The following RARB variants were observed in gnomAD, a reference collection of about 807,000 sequenced individuals.
The protein encoded by RARB is retinoic acid receptor beta.
RARB carries 17 observed loss-of-function variants against 51.9 expected under a neutral mutation model. The ratio of observed to expected loss-of-function variants is 0.33; its 90% CI spans 0.22 to 0.49. RARB has a LOEUF of 0.49. RARB is among the 20% of genes least tolerant of loss of function. The pLI is 0.99. For missense variants in RARB, 369 were observed against 550.8 expected, an observed-to-expected ratio of 0.67 and a Z score of 3.30; for synonymous variants, 215 against 195.4, an observed-to-expected ratio of 1.10 and a Z score of -0.84.
chr3:25,461,640 A>G (rs1695189835), intron 2 of RARB, among the ~76,000 whole-genome samples: 1 of 152,192 alleles, frequency 6.6e-6, no homozygotes, highest in Admixed American at 6.5e-5. Flanking sequence ...CACGCCTGTA[A>G]TCCCAGCACT....
intron 5 of RARB, among the ~76,000 whole-genome samples, chr3:25,203,732 T>C (rs1201933054): frequency 2.6e-5 from 4 of 152,256 alleles, no homozygotes; most frequent in Non-Finnish European, 5.9e-5. Flanking sequence ...TTGAAAATTC[T>C]TTTCTTTAAG....
chr3:25,227,199 G>T (rs943922553), intron 5 of RARB, among the ~76,000 whole-genome samples: 1 of 152,156 alleles, frequency 6.6e-6, no homozygotes, highest in African/African-American at 2.4e-5. Context: ...ATTGAAAAAT[G>T]AAAAGCTTCA....
chr3:25,507,908 C>A (rs1697691575), intron 3 of RARB, among the ~76,000 whole-genome samples: 1 of 152,112 alleles, frequency 6.6e-6, no homozygotes, highest in Non-Finnish European at 1.5e-5. Flanking sequence ...TACCCTGTGT[C>A]TGTAACAGAA....
At chr3:24,983,986 T>A (rs904196718) in intron 2 of RARB, among the ~76,000 whole-genome samples, 1 of 152,226 alleles carries the variant, frequency 6.6e-6, no homozygotes, top group Non-Finnish European at 1.5e-5. Context: ...TAGTTTACAT[T>A]TTTTATGATT....
intron 5 of RARB, among the ~76,000 whole-genome samples, chr3:25,226,265 T>G (rs984314795): frequency 6.6e-6 from 1 of 152,202 alleles, no homozygotes; most frequent in African/African-American, 2.4e-5. Context: ...GTATTGAAGT[T>G]TATTTTAGTA....
intron 4 of RARB, among the ~76,000 whole-genome samples, chr3:25,134,306 A>T: frequency 6.6e-6 from 1 of 151,994 alleles, no homozygotes; most frequent in African/African-American, 2.4e-5. Context: ...CTTAAATGGC[A>T]CATAGGATAT....
At chr3:25,407,393 C>A (rs1028289933) in intron 5 of RARB, among the ~76,000 whole-genome samples, 5 of 152,140 alleles carry the variant, frequency 3.3e-5, no homozygotes, top group Non-Finnish European at 7.3e-5. Flanking sequence ...GAATAATAAT[C>A]CTTACCTTGA....
intron 3 of RARB, among the ~76,000 whole-genome samples, chr3:25,510,568 T>A (rs111529831): frequency 3.3e-5 from 5 of 151,954 alleles, no homozygotes; most frequent in Non-Finnish European, 7.4e-5. Context: ...AGAGGCTGCA[T>A]TGGGCCAAGA....
At chr3:25,096,147 A>G (rs987833445) in intron 3 of RARB, among the ~76,000 whole-genome samples, 5 of 152,142 alleles carry the variant, frequency 3.3e-5, no homozygotes, top group Non-Finnish European at 7.3e-5. Context: ...TGTTTGCTCA[A>G]CGTGGCTGGT....
At chr3:25,111,820 G>A (rs146274508) in intron 3 of RARB, among the ~76,000 whole-genome samples, 127 of 151,932 alleles carry the variant, frequency 8.4e-4, no homozygotes, top group South Asian at 3.5e-3. Context: ...CTTGTGATCC[G>A]CCTGCCTCAG....
intron 5 of RARB, among the ~76,000 whole-genome samples, chr3:25,307,633 C>T (rs1481685200): frequency 6.6e-6 from 1 of 152,162 alleles, no homozygotes; most frequent in Non-Finnish European, 1.5e-5. Context: ...GAGCTTTCTG[C>T]ACCCCCTGCT....
rs1472271309 is a variant in RARB at position 24,982,180 on chromosome 3, G to C, written c.-379-77945G>C. Among the ~76,000 whole-genome samples, 3 of 152,310 alleles carry C rather than the reference G, an allele frequency of 2.0e-5. No individual in the cohort carries two copies. The East Asian group carries it at 5.8e-4, about 29-fold the overall frequency. On this transcript the variant is annotated intron_variant, in intron 2 of 11. Coordinates refer to the RARB transcript ENST00000383772. ...CCTGGGCACTCTCTCAGCTTGGTCAGGGCCCAGCTGCTCTTTTTGGCTGAC... is the reference window on the plus strand; with the variant it reads ...CCTGGGCACTCTCTCAGCTTGGTCACGGCCCAGCTGCTCTTTTTGGCTGAC...
At chr3:25,029,052 T>G (rs1459496773) in intron 2 of RARB, among the ~76,000 whole-genome samples, 1 of 152,192 alleles carries the variant, frequency 6.6e-6, no homozygotes, top group Non-Finnish European at 1.5e-5. Context: ...GAGAGGAGCT[T>G]ACCCTCAGAC....
chr3:25,489,625 A>G (rs1345233045), intron 2 of RARB, among the ~76,000 whole-genome samples: 1 of 47,192 alleles, frequency 2.1e-5, no homozygotes, highest in Admixed American at 2.3e-4. Context: ...TTGTAGAGAG[A>G]ATGTTCCAAC....
intron 3 of RARB, among the ~76,000 whole-genome samples, chr3:25,503,904 T>C (rs1376043771): frequency 6.6e-6 from 1 of 152,158 alleles, no homozygotes; most frequent in Admixed American, 6.5e-5. Context: ...ACAAGTACAC[T>C]AGGACTCAGA....
intron 5 of RARB, among the ~76,000 whole-genome samples, chr3:25,208,425 G>C (rs1328415702): frequency 6.6e-6 from 1 of 152,066 alleles, no homozygotes; most frequent in African/African-American, 2.4e-5. Context: ...AATTTCTCCT[G>C]TTGACCTTTC....
intron 2 of RARB, among the ~76,000 whole-genome samples, chr3:24,958,116 G>A (rs1314486724): frequency 6.6e-6 from 1 of 152,026 alleles, no homozygotes; most frequent in African/African-American, 2.4e-5. Flanking sequence ...CTCCAGCAGG[G>A]CTCTTGGAGC....
intron 5 of RARB, among the ~76,000 whole-genome samples, chr3:25,198,242 C>A (rs1433882748): frequency 1.3e-5 from 2 of 152,022 alleles, no homozygotes; most frequent in African/African-American, 2.4e-5. Context: ...TGAAACTAGA[C>A]CCCTTCTCTT....
At chr3:25,262,747 A>C (rs1423099829) in intron 5 of RARB, among the ~76,000 whole-genome samples, 1 of 152,216 alleles carries the variant, frequency 6.6e-6, no homozygotes, top group Non-Finnish European at 1.5e-5. Context: ...GCCGGTTAGC[A>C]AGCTTAATTC....
Sources: allele counts gnomAD v4.1 joint callset (sites outside exome capture counted in the v4.1 genomes callset), GRCh38; gene constraint gnomAD v4.1.1; transcripts MANE v1.5; gene names NCBI Gene and HGNC (gene_info 2026-07-23, HGNC 2026-07-21).